Variants in SETBP1 observed in about 807,000 individuals in gnomAD.
SETBP1 encodes SET binding protein 1.
In SETBP1, 9 loss-of-function variants were observed where a neutral mutation model predicts 101.0. The observed-to-expected ratio is 0.09, with a 90% CI of 0.05 to 0.16. The LOEUF is 0.16. SETBP1 is among the 10% of genes least tolerant of loss of function. SETBP1 has a pLI of 1.00. For synonymous variants in SETBP1, 818 were observed against 788.5 expected (o/e 1.04, Z -0.63); for missense variants, 1,858 against 2,033.8 (o/e 0.91, Z 1.66).
intron 1 of SETBP1, among the ~76,000 whole-genome samples, chr18:44,695,659 G>A (rs2069002411): frequency 6.6e-6 from 1 of 152,184 alleles, no homozygotes; most frequent in African/African-American, 2.4e-5. Context: ...AAGAGCTTGG[G>A]GAAGTTTGCA....
At chr18:44,844,349 G>GCA (rs765920529) in intron 2 of SETBP1, among the ~76,000 whole-genome samples, 21 of 80,796 alleles carry the variant, frequency 2.6e-4, no homozygotes, top group South Asian at 3.8e-4. Flanking sequence ...GTGCACACAC[G>GCA]CGCGCACACA....
At chr18:44,854,518 G>T (rs2072934041) in intron 2 of SETBP1, among the ~76,000 whole-genome samples, 2 of 152,046 alleles carry the variant, frequency 1.3e-5, no homozygotes, top group Non-Finnish European at 2.9e-5. Context: ...CTGCATTGAG[G>T]CTCCCAGCAC....
At chr18:44,932,383 A>G (rs1281001557) in intron 3 of SETBP1, among the ~76,000 whole-genome samples, 1 of 152,018 alleles carries the variant, frequency 6.6e-6, no homozygotes, top group Non-Finnish European at 1.5e-5. Context: ...TATTTCCTTC[A>G]TTTCAACTTA....
chr18:44,873,467 A>C (rs567620691), intron 3 of SETBP1, among the ~76,000 whole-genome samples: 26 of 152,312 alleles, frequency 1.7e-4, no homozygotes, highest in African/African-American at 6.3e-4. Context: ...TTGAAAATTC[A>C]AATGTAGAAG....
At chr18:44,828,753 G>T (rs577080264) in intron 2 of SETBP1, among the ~76,000 whole-genome samples, 41 of 152,268 alleles carry the variant, frequency 2.7e-4, no homozygotes, top group South Asian at 4.2e-4. Flanking sequence ...AAGTAATTGC[G>T]GTTAAGTAAG....
chr18:44,972,888 C>A (rs1219951660), intron 4 of SETBP1, among the ~76,000 whole-genome samples: 1 of 152,168 alleles, frequency 6.6e-6, no homozygotes, highest in African/African-American at 2.4e-5. Context: ...TGACTGATTG[C>A]CCTGGCCAGA....
intron 4 of SETBP1, among the ~76,000 whole-genome samples, chr18:45,021,175 T>C (rs1265919437): frequency 1.3e-5 from 2 of 152,204 alleles, no homozygotes; most frequent in Admixed American, 1.3e-4. Flanking sequence ...ATCAATTCAG[T>C]GGTATCTATA....
At chr18:44,874,504 G>C (rs977054086) in intron 3 of SETBP1, among the ~76,000 whole-genome samples, 2 of 152,184 alleles carry the variant, frequency 1.3e-5, no homozygotes, top group Non-Finnish European at 2.9e-5. Context: ...CAAGGAGTAG[G>C]GGGGAATGAA....
chr18:44,685,291 A>AC (rs1419097438), intron 1 of SETBP1, among the ~76,000 whole-genome samples: 1 of 152,196 alleles, frequency 6.6e-6, no homozygotes, highest in Non-Finnish European at 1.5e-5. Context: ...ATCTTTTCCC[A>AC]CCAAAAATAC....
chr18:44,847,262 T>C (rs964037780), intron 2 of SETBP1, among the ~76,000 whole-genome samples: 8 of 152,222 alleles, frequency 5.3e-5, no homozygotes, highest in African/African-American at 1.9e-4. Context: ...TGTTTTCCAA[T>C]GGAGCCAGTC....
intron 1 of SETBP1, among the ~76,000 whole-genome samples, chr18:44,684,142 A>G (rs1042897683): frequency 5.9e-5 from 9 of 152,166 alleles, no homozygotes; most frequent in African/African-American, 2.2e-4. Context: ...GAGCAAAACA[A>G]TCCAATTCCA....
At chr18:44,905,819 G>T (rs1309580956) in intron 3 of SETBP1, among the ~76,000 whole-genome samples, 1 of 152,202 alleles carries the variant, frequency 6.6e-6, no homozygotes, top group Non-Finnish European at 1.5e-5. Context: ...TTGACTGGGA[G>T]AACTGTCAGA....
At chr18:44,899,311 C>T (rs2069981665) in intron 3 of SETBP1, among the ~76,000 whole-genome samples, 2 of 152,124 alleles carry the variant, frequency 1.3e-5, no homozygotes, top group African/African-American at 4.8e-5. Context: ...GAGTAATTTC[C>T]AGACACCAAA....
chr18:44,893,260 G>T (rs913126853), intron 3 of SETBP1, among the ~76,000 whole-genome samples: 2 of 152,040 alleles, frequency 1.3e-5, no homozygotes, highest in African/African-American at 4.8e-5. Flanking sequence ...ACATTTACTG[G>T]CCACTGACTA....
chr18:45,052,421 G>A (rs1166660939), intron 5 of SETBP1, among the ~76,000 whole-genome samples: 1 of 152,198 alleles, frequency 6.6e-6, no homozygotes. Flanking sequence ...ATTATAAACT[G>A]AATTCCAGTG....
intron 3 of SETBP1, among the ~76,000 whole-genome samples, chr18:44,945,320 T>C (rs554268125): frequency 2.0e-5 from 3 of 152,340 alleles, no homozygotes; most frequent in African/African-American, 7.2e-5. Context: ...GCACACACTT[T>C]AAATGTATAT....
intron 4 of SETBP1, among the ~76,000 whole-genome samples, chr18:45,009,237 G>C (rs1305192580): frequency 1.3e-5 from 2 of 151,894 alleles, no homozygotes; most frequent in African/African-American, 4.8e-5. Flanking sequence ...TTGGGCTGCA[G>C]CTGCAGCAGC....
chr18:44,762,287 G>C (rs182007557), intron 2 of SETBP1, among the ~76,000 whole-genome samples: 66 of 152,288 alleles, frequency 4.3e-4, no homozygotes, highest in African/African-American at 1.5e-3. Context: ...TTCCTTGACA[G>C]CAGCCTGTTC....
chr18:44,694,475 G>T (rs2068982859), intron 1 of SETBP1, among the ~76,000 whole-genome samples: 1 of 152,246 alleles, frequency 6.6e-6, no homozygotes, highest in Non-Finnish European at 1.5e-5. Context: ...GCCTCCCAAA[G>T]TGCTGGGATT....
Sources: gnomAD v4.1 joint callset for allele counts (sites outside exome capture counted in the v4.1 genomes callset) on GRCh38, gnomAD v4.1.1 for gene constraint, MANE v1.5 for transcripts, NCBI Gene and HGNC (gene_info 2026-07-23, HGNC 2026-07-21) for gene names.